The following BCAR3 variants were observed in gnomAD, a reference collection of about 807,000 sequenced individuals.
The protein encoded by BCAR3 is BCAR3 adaptor protein, NSP family member, also known as breast cancer anti-estrogen resistance protein 3.
A neutral mutation model predicts 80.1 loss-of-function variants in BCAR3; 37 were observed. The observed-to-expected ratio is 0.46, with a 90% CI of 0.36 to 0.61. The LOEUF (loss-of-function observed/expected upper bound fraction) is 0.61. BCAR3 is among the 20% of genes least tolerant of loss of function. The probability of loss-of-function intolerance (pLI) is 0.00; values close to 1 mark genes in which losing one functional copy is unlikely to be tolerated. For missense variants in BCAR3, 978 were observed against 1,068.2 expected, an observed-to-expected ratio of 0.92 and a Z score of 1.18; for synonymous variants, 389 against 418.9, an observed-to-expected ratio of 0.93 and a Z score of 0.87.
chr1:93,700,663 T>C (rs114151766), intron 3 of BCAR3, among the ~76,000 whole-genome samples: 4,972 of 152,176 alleles, frequency 0.033, 267 homozygotes, highest in African/African-American at 0.11. Flanking sequence ...CTCACACATC[T>C]AGTAGCACTC....
At chr1:93,839,059 T>C (rs1022507519) in intron 2 of BCAR3, among the ~76,000 whole-genome samples, 2 of 152,164 alleles carry the variant, frequency 1.3e-5, no homozygotes, top group African/African-American at 4.8e-5. Context: ...TCCCAGCACT[T>C]TGGGAGGCCG....
intron 2 of BCAR3, among the ~76,000 whole-genome samples, chr1:93,805,043 G>A (rs1653612585): frequency 6.6e-6 from 1 of 152,168 alleles, no homozygotes; most frequent in South Asian, 2.1e-4. Context: ...TCATGGATGT[G>A]TGTAATGATT....
chr1:93,646,844 C>A (rs1379970763), intron 2 of BCAR3, among the ~76,000 whole-genome samples: 1 of 152,086 alleles, frequency 6.6e-6, no homozygotes, highest in Non-Finnish European at 1.5e-5. Context: ...CTGAAATTCA[C>A]AGCTATAAAA....
chr1:93,708,487 ATAATCTT>A (rs1398492978), intron 2 of BCAR3, among the ~76,000 whole-genome samples: 2 of 152,240 alleles, frequency 1.3e-5, no homozygotes, highest in Admixed American at 6.5e-5. Context: ...ACAAATTGTC[ATAATCTT>A]TTCTGTCCCC....
At chr1:93,627,526 G>C (rs1300958735) in intron 3 of BCAR3, among the ~76,000 whole-genome samples, 6 of 152,176 alleles carry the variant, frequency 3.9e-5, no homozygotes, top group Non-Finnish European at 8.8e-5. Context: ...CAAAACAACA[G>C]AGTGAACACC....
At chr1:93,596,839 G>A (rs952084072) in intron 3 of BCAR3, among the ~76,000 whole-genome samples, 75 of 152,166 alleles carry the variant, frequency 4.9e-4, no homozygotes, top group African/African-American at 1.8e-3. Flanking sequence ...AGACAAAGTT[G>A]GTTTTCGCTG....
At chr1:93,696,893 A>G (rs2101968730) in intron 3 of BCAR3, among the ~76,000 whole-genome samples, 1 of 152,160 alleles carries the variant, frequency 6.6e-6, no homozygotes, top group East Asian at 1.9e-4. Flanking sequence ...ACCAGATTAT[A>G]TGGTAAATCC....
chr1:93,661,665 A>G (rs1557644540), intron 2 of BCAR3, among the ~76,000 whole-genome samples: 2 of 150,180 alleles, frequency 1.3e-5, no homozygotes, highest in Non-Finnish European at 3.0e-5. Context: ...ATTTTTTTGT[A>G]TTTAATAGAG....
At chr1:93,713,208 G>A (rs1041437050) in intron 2 of BCAR3, among the ~76,000 whole-genome samples, 3 of 152,090 alleles carry the variant, frequency 2.0e-5, no homozygotes, top group Non-Finnish European at 4.4e-5. Flanking sequence ...TGTATTGGAC[G>A]GCACACTCTA....
rs1650534113 is a variant in BCAR3 at position 93,725,087 on chromosome 1, C to T, written c.-62-18945G>A. ...GTCTTTCGTAGCCCACAGCACTCGT[C>T]GCTTCCCACTACACTTCTACGTAGT... On this transcript the variant is annotated intron_variant, in intron 2 of 13. Coordinates refer to the BCAR3 transcript ENST00000370244. 2.6e-5 allele frequency among the ~76,000 whole-genome samples: 4 copies of T among 152,340 alleles called. No homozygotes were observed. The South Asian group carries it at 8.3e-4, about 32-fold the overall frequency.
intron 3 of BCAR3, among the ~76,000 whole-genome samples, chr1:93,696,876 T>C (rs1649428433): frequency 6.6e-6 from 1 of 152,254 alleles, no homozygotes; most frequent in South Asian, 2.1e-4. Context: ...TGTGTTACTT[T>C]CCACTTACCA....
At chr1:93,684,124 TC>T (rs1648893743), upstream of BCAR3, among the ~76,000 whole-genome samples, 1 of 152,160 alleles carries the variant, frequency 6.6e-6, no homozygotes, top group Admixed American at 6.5e-5. Flanking sequence ...TGTTGTATTT[TC>T]CCCCAAGTGT....
chr1:93,725,471 T>A (rs1205710366), intron 2 of BCAR3, among the ~76,000 whole-genome samples: 1 of 152,240 alleles, frequency 6.6e-6, no homozygotes, highest in Non-Finnish European at 1.5e-5. Context: ...CTCTTGTTCA[T>A]CTTTTCTCTT....
At chr1:93,703,645 A>G (rs1433612665) in intron 3 of BCAR3, among the ~76,000 whole-genome samples, 1 of 151,992 alleles carries the variant, frequency 6.6e-6, no homozygotes. Flanking sequence ...TACTACATTT[A>G]TATTATGTAA....
At chr1:93,706,370 A>G (rs971241154) in intron 2 of BCAR3, among the ~76,000 whole-genome samples, 2 of 152,124 alleles carry the variant, frequency 1.3e-5, no homozygotes, top group African/African-American at 4.8e-5. Context: ...AGCAGGTTAC[A>G]ATTAATTACA....
At chr1:93,679,717 C>T (rs901992543) in intron 1 of BCAR3, among the ~76,000 whole-genome samples, 4 of 152,200 alleles carry the variant, frequency 2.6e-5, no homozygotes, top group Admixed American at 6.5e-5. Context: ...CCTGGTCAGT[C>T]GCTGGGCTTT....
At chr1:93,619,741 T>G (rs1008499053) in intron 3 of BCAR3, among the ~76,000 whole-genome samples, 2 of 152,190 alleles carry the variant, frequency 1.3e-5, no homozygotes, top group Non-Finnish European at 2.9e-5. Context: ...CCACCTCCAC[T>G]GCGCCAGTTC....
intron 2 of BCAR3, among the ~76,000 whole-genome samples, chr1:93,757,502 A>G (rs576870911): frequency 6.6e-6 from 1 of 152,322 alleles, no homozygotes; most frequent in African/African-American, 2.4e-5. Context: ...TCATTTTGCA[A>G]TATGTGTTGG....
chr1:93,684,721 GTGTTTTT>G (rs57898595), upstream of BCAR3, among the ~76,000 whole-genome samples: 706 of 127,178 alleles, frequency 5.6e-3, 13 homozygotes, highest in East Asian at 0.043. Context: ...TTTGAATCAG[GTGTTTTT>G]TGTTTTTTGT....
Sources: allele counts gnomAD v4.1 joint callset (sites outside exome capture counted in the v4.1 genomes callset), GRCh38; gene constraint gnomAD v4.1.1; transcripts MANE v1.5; gene names NCBI Gene and HGNC (gene_info 2026-07-23, HGNC 2026-07-21).